RANBP17: variants seen among roughly 807,000 people sequenced by gnomAD.
RANBP17 encodes the protein RAN binding protein 17, also known as ran-binding protein 17.
Under a neutral mutation model 141.2 loss-of-function variants are expected in RANBP17, and 158 were observed. The ratio of observed to expected loss-of-function variants is 1.12; its 90% CI spans 0.98 to 1.28. The LOEUF is 1.28. RANBP17 is among the 50% of genes most tolerant of loss of function. RANBP17 has a pLI of 0.00. For synonymous variants in RANBP17, 430 were observed against 450.0 expected (o/e 0.96, Z 0.56); for missense variants, 1,438 against 1,290.7 (o/e 1.11, Z -1.75).
intron 12 of RANBP17, among the ~76,000 whole-genome samples, chr5:170,951,211 A>C (rs1328446912): frequency 1.3e-5 from 2 of 152,092 alleles, no homozygotes; most frequent in Non-Finnish European, 2.9e-5. Context: ...ATATTTCAAA[A>C]TAGAAGGCAG....
chr5:170,951,913 A>AT (rs1775243975), intron 12 of RANBP17, among the ~76,000 whole-genome samples: 1 of 152,116 alleles, frequency 6.6e-6, no homozygotes, highest in Non-Finnish European at 1.5e-5. Context: ...ACAGGGGGAA[A>AT]TAATCTGCAG....
At chr5:171,288,829 G>A (rs1768318452) in intron 25 of RANBP17, among the ~76,000 whole-genome samples, 1 of 152,134 alleles carries the variant, frequency 6.6e-6, no homozygotes, top group African/African-American at 2.4e-5. Flanking sequence ...CCTGGCCTTT[G>A]ACCTTTGCAA....
intron 24 of RANBP17, among the ~76,000 whole-genome samples, chr5:171,253,810 ACCTT>A (rs2128006757): frequency 6.6e-6 from 1 of 152,310 alleles, no homozygotes; most frequent in Admixed American, 6.5e-5. Context: ...TCAGTAAGAT[ACCTT>A]GAGAAAAACT....
chr5:171,221,711 G>T (rs1763566402), intron 21 of RANBP17, 47 bp from the exon 22 acceptor site: 2 of 1,043,650 alleles, frequency 1.9e-6, no homozygotes, highest in African/African-American at 1.6e-5. Flanking sequence ...ATCTGTGTTT[G>T]GTTTCTTTAT....
At chr5:171,001,532 G>A (rs373056048) in intron 14 of RANBP17, among the ~76,000 whole-genome samples, 8 of 152,108 alleles carry the variant, frequency 5.3e-5, no homozygotes, top group African/African-American at 1.9e-4. Context: ...AAAAAGGAGT[G>A]TCCATGCAGG....
intron 11 of RANBP17, among the ~76,000 whole-genome samples, chr5:170,922,644 C>T (rs1191807084): frequency 6.6e-6 from 1 of 152,214 alleles, no homozygotes; most frequent in Admixed American, 6.5e-5. Context: ...GAGGGTATCT[C>T]CTGGTCTGCA....
chr5:171,134,187 C>T (rs1436017871), intron 14 of RANBP17, among the ~76,000 whole-genome samples: 1 of 152,214 alleles, frequency 6.6e-6, no homozygotes, highest in Non-Finnish European at 1.5e-5. Flanking sequence ...CCAGTGGGCT[C>T]TTCTTCCCCT....
intron 14 of RANBP17, among the ~76,000 whole-genome samples, chr5:170,990,889 C>T (rs747426800): frequency 3.9e-5 from 6 of 151,948 alleles, no homozygotes; most frequent in Middle Eastern, 3.4e-3. Context: ...GATACAATAG[C>T]GTTAGTTGCT....
chr5:171,082,838 T>C (rs1228034887), intron 14 of RANBP17, among the ~76,000 whole-genome samples: 2 of 151,828 alleles, frequency 1.3e-5, no homozygotes, highest in Admixed American at 6.6e-5. Flanking sequence ...TGTGTAACCT[T>C]AGATAGACTG....
intron 14 of RANBP17, among the ~76,000 whole-genome samples, chr5:171,038,195 T>TGTGC (rs1561580627): frequency 6.7e-6 from 1 of 150,240 alleles, no homozygotes; most frequent in South Asian, 2.1e-4. Context: ...TGTGTGTGTG[T>TGTGC]GCACGTGCAC....
At chr5:171,244,660 T>C (rs1389880082) in intron 24 of RANBP17, among the ~76,000 whole-genome samples, 1 of 152,128 alleles carries the variant, frequency 6.6e-6, no homozygotes, top group Non-Finnish European at 1.5e-5. Flanking sequence ...TTGGCCAGGC[T>C]GGTCTTGAAC....
chr5:171,093,832 G>A (rs1786488549), intron 14 of RANBP17, among the ~76,000 whole-genome samples: 1 of 152,208 alleles, frequency 6.6e-6, no homozygotes, highest in Non-Finnish European at 1.5e-5. Flanking sequence ...CCAAGATGAT[G>A]AGTTGGAAAG....
rs544407323 is a variant in RANBP17 at position 171,267,006 on chromosome 5, C to A, written c.2943+1159C>A. Among the ~76,000 whole-genome samples, 1,320 of 149,476 alleles carry A rather than the reference C, an allele frequency of 8.8e-3. 13 individuals are homozygous for A. The highest frequency in any genetic ancestry group is 0.016 in the Admixed American group (236 of 14,790). On this transcript the variant is annotated intron_variant, in intron 25 of 27. Transcript: ENST00000523189. Reference sequence around the variant, plus strand: ...AACAATACCATTTTTTATGGCTATACCATCACTATATTTTCTTTTCTTTTT... The same window carrying A: ...AACAATACCATTTTTTATGGCTATAACATCACTATATTTTCTTTTCTTTTT...
At chr5:171,135,232 A>C (rs980024512) in intron 14 of RANBP17, among the ~76,000 whole-genome samples, 3 of 150,996 alleles carry the variant, frequency 2.0e-5, no homozygotes, top group African/African-American at 7.3e-5. Flanking sequence ...GTGAGCTGAG[A>C]TCAAGCCACT....
At chr5:171,158,482 TCTC>T (rs1759059409) in intron 14 of RANBP17, 3 of 185,538 alleles carry the variant, frequency 1.6e-5, no homozygotes, top group African/African-American at 2.3e-5. Flanking sequence ...CCATGGAAAA[TCTC>T]CTATGCCCAG....
In RANBP17 at chr5:171,171,192, T is replaced by G. The variant is rs1319888039; in HGVS notation, c.1785-14T>G. The G allele has an allele frequency of 1.4e-6, 2 of 1,464,914 alleles. No individual in the cohort carries two copies. The highest frequency in any genetic ancestry group is 1.9e-6 in the Non-Finnish European group (2 of 1,060,016). 90.7% of individuals were successfully genotyped at this position (1,464,914 alleles called of 1,614,324 possible). On this transcript the variant is annotated splice_polypyrimidine_tract_variant and intron_variant, in intron 15 of 27. Coordinates refer to ENST00000523189, the MANE Select transcript of RANBP17 (RefSeq NM_022897.5). ...ATATCTTACTTATAATTAAAGACTT[T>G]TTTTCATATTTAGTGTTACAAACCT...
At chr5:170,933,341 G>T (rs1392967280) in intron 12 of RANBP17, among the ~76,000 whole-genome samples, 1 of 151,812 alleles carries the variant, frequency 6.6e-6, no homozygotes, top group East Asian at 1.9e-4. Context: ...TATCAATTTT[G>T]TTGATCTTTT....
intron 14 of RANBP17, among the ~76,000 whole-genome samples, chr5:171,155,094 A>AAAAAAAAAAAAT (rs34090443): frequency 1.6e-4 from 12 of 74,988 alleles, no homozygotes; most frequent in South Asian, 5.3e-4. Flanking sequence ...AAAAAAAAAA[A>AAAAAAAAAAAAT]ATATATATAT....
chr5:171,295,920 A>G lies in RANBP17; in HGVS notation c.3076A>G (p.Ser1026Gly). Residue 1026 changes from serine (S) to glycine (G), a missense_variant, in exon 27 of 28, where the codon AGC becomes GGC. Coordinates refer to ENST00000523189, the MANE Select transcript of RANBP17 (RefSeq NM_022897.5). Reference protein sequence around the residue: ...FSELRASLINSQPLPKQEVLA... With the variant: ...FSELRASLINGQPLPKQEVLA... ...TGAACTGAGAGCAAGTTTGATAAAC[A>G]GCCAGCCCCTCCCCAAGCAGGAGGT... is the stretch of plus-strand genomic sequence containing the variant. 1 of 1,613,788 alleles carries G rather than the reference A, an allele frequency of 6.2e-7. No individual in the cohort carries two copies. The highest frequency in any genetic ancestry group is 1.1e-5 in the South Asian group (1 of 91,076).
Sources: allele counts gnomAD v4.1 joint callset (sites outside exome capture counted in the v4.1 genomes callset), GRCh38; gene constraint gnomAD v4.1.1; transcripts MANE v1.5; gene names NCBI Gene and HGNC (gene_info 2026-07-23, HGNC 2026-07-21).